The following HS3ST2 variants were observed in gnomAD, a reference collection of about 807,000 sequenced individuals.
HS3ST2 encodes heparan sulfate-glucosamine 3-sulfotransferase 2, also known as heparan sulfate glucosamine 3-O-sulfotransferase 2.
HS3ST2 carries 17 observed loss-of-function variants against 26.3 expected under a neutral mutation model. The ratio of observed to expected loss-of-function variants is 0.65; its 90% CI spans 0.44 to 0.97. The LOEUF (loss-of-function observed/expected upper bound fraction) is 0.97, where lower values mean the gene tolerates loss of function less well. Among genes scored for constraint, HS3ST2 ranks in the 50% least tolerant of loss-of-function variants. The pLI, the probability that HS3ST2 is intolerant of heterozygous loss-of-function variation, is 0.00. For missense variants in HS3ST2, 402 were observed against 501.2 expected, an observed-to-expected ratio of 0.80 and a Z score of 1.89; for synonymous variants, 237 against 219.2, an observed-to-expected ratio of 1.08 and a Z score of -0.72.
rs1220858311 is a variant in HS3ST2 at position 22,915,645 on chromosome 16, C to T, written c.*83C>T. 17 of 1,433,884 alleles carry T rather than the reference C, an allele frequency of 1.2e-5. No individual in the cohort carries two copies. Among genetic ancestry groups the T allele is most frequent in the Non-Finnish European group, 1.6e-5 (17 of 1,057,640 alleles). The allele number at this position is 1,433,884 out of a possible 1,614,324, so 88.8% of individuals were successfully genotyped here. A position where few individuals can be genotyped will look rare whatever the true frequency, so the allele number is the denominator to read the frequency against. On this transcript the variant is annotated 3_prime_UTR_variant, in exon 2 of 2. Coordinates refer to ENST00000261374, the MANE Select transcript of HS3ST2 (RefSeq NM_006043.2). ...GCTCCCAGACCCTCTGATCTCCCTC[C>T]AACAAACCCTGGCTCCAGCCCCCTT...
chr16:22,910,897 T>C (rs78969480), intron 1 of HS3ST2, among the ~76,000 whole-genome samples: 2,568 of 152,204 alleles, frequency 0.017, 65 homozygotes, highest in African/African-American at 0.055. Flanking sequence ...ACATAAGGAT[T>C]AGCTTTAAGA....
At chr16:22,855,920 A>G (rs183900562) in intron 1 of HS3ST2, among the ~76,000 whole-genome samples, 2 of 152,190 alleles carry the variant, frequency 1.3e-5, no homozygotes, top group East Asian at 1.9e-4. Context: ...ACTCATCACA[A>G]CTAGCGAGTG....
intron 1 of HS3ST2, among the ~76,000 whole-genome samples, chr16:22,819,983 C>T (rs1015954525): frequency 3.3e-5 from 5 of 152,218 alleles, no homozygotes; most frequent in African/African-American, 1.2e-4. Flanking sequence ...TTGATCAACA[C>T]ACAAAACAGA....
chr16:22,856,403 T>C (rs1414426111), intron 1 of HS3ST2, among the ~76,000 whole-genome samples: 2 of 152,232 alleles, frequency 1.3e-5, no homozygotes, highest in African/African-American at 4.8e-5. Context: ...TGCAATTCCT[T>C]TCCCTGAGCT....
chr16:22,912,162 T>A (rs773898386), intron 1 of HS3ST2, among the ~76,000 whole-genome samples: 19 of 152,184 alleles, frequency 1.2e-4, no homozygotes, highest in Non-Finnish European at 2.5e-4. Flanking sequence ...ACAAAGGTTC[T>A]GGGCGGACAT....
Position 22,915,789 on chromosome 16 carries a change from C to T in HS3ST2, c.*227C>T, listed in dbSNP as rs1275769105. 1.8e-5 allele frequency: 10 copies of T among 546,256 alleles called. No homozygotes were observed. Among genetic ancestry groups the T allele is most frequent in the Admixed American group, 7.1e-5 (2 of 28,262 alleles). The allele number at this position is 546,256 out of a possible 1,614,324, so 33.8% of individuals were successfully genotyped here. On this transcript the variant is annotated 3_prime_UTR_variant, in exon 2 of 2. Coordinates refer to ENST00000261374, the MANE Select transcript of HS3ST2 (RefSeq NM_006043.2). The stretch of plus-strand genomic sequence containing the variant: ...AAGCAAAGTTGATCTGCTCCTGGCA[C>T]GTCCAGTAAATTCCAGAATCATTCT...
At chr16:22,869,513 T>TAA (rs1901802546) in intron 1 of HS3ST2, among the ~76,000 whole-genome samples, 7 of 152,192 alleles carry the variant, frequency 4.6e-5, no homozygotes, top group Non-Finnish European at 1.0e-4. Context: ...TTAATGGACT[T>TAA]ACAGTTCCAC....
chr16:22,818,425 T>C (rs991597027), intron 1 of HS3ST2, among the ~76,000 whole-genome samples: 1 of 152,184 alleles, frequency 6.6e-6, no homozygotes, highest in African/African-American at 2.4e-5. Context: ...GAAAATTCTA[T>C]GATATATAAA....
At position 22,915,535 on chromosome 16, in the gene HS3ST2, C is replaced by A. The variant is rs139609781; in HGVS notation, c.1077C>A (p.Thr359=). 8.9e-5 allele frequency: 143 copies of A among 1,613,274 alleles called. No individual in the cohort carries two copies. The highest frequency in any genetic ancestry group is 1.2e-4 in the Non-Finnish European group (139 of 1,179,636). The change falls in exon 2 of 2, where the codon ACC becomes ACA. Residue 359 remains threonine (T), a synonymous_variant. Transcript: ENST00000261374. ...CGTATAATATCAAATTTTATGAAACCGTTGGGCAGGACTTCAGGTGGGAAT... is the reference window on the plus strand; with the variant it reads ...CGTATAATATCAAATTTTATGAAACAGTTGGGCAGGACTTCAGGTGGGAAT... ...YRPYNIKFYE[T]VGQDFRWE is the part of the protein sequence containing the mutation.
chr16:22,837,524 C>CAT (rs1453857648), intron 1 of HS3ST2, among the ~76,000 whole-genome samples: 3 of 142,998 alleles, frequency 2.1e-5, no homozygotes, highest in Admixed American at 1.4e-4. Context: ...TATATATACA[C>CAT]ATATATATAC....
At chr16:22,841,265 G>A (rs544368658) in intron 1 of HS3ST2, among the ~76,000 whole-genome samples, 1 of 152,068 alleles carries the variant, frequency 6.6e-6, no homozygotes, top group Non-Finnish European at 1.5e-5. Context: ...GTTTCACTAT[G>A]TTGCCCAGGC....
chr16:22,844,972 A>G (rs898360682), intron 1 of HS3ST2, among the ~76,000 whole-genome samples: 33 of 151,290 alleles, frequency 2.2e-4, no homozygotes, highest in African/African-American at 7.6e-4. Flanking sequence ...CTCTTGCCTC[A>G]GCCTCCCAAG....
chr16:22,860,640 C>A (rs1023556573), intron 1 of HS3ST2, among the ~76,000 whole-genome samples: 1 of 152,036 alleles, frequency 6.6e-6, no homozygotes, highest in African/African-American at 2.4e-5. Flanking sequence ...ACACTTACAC[C>A]ATTTTAGGCA....
chr16:22,901,960 A>T (rs190487099), intron 1 of HS3ST2, among the ~76,000 whole-genome samples: 126 of 152,288 alleles, frequency 8.3e-4, no homozygotes, highest in African/African-American at 2.9e-3. Flanking sequence ...CGAATGCAAA[A>T]AGCTAAAGGT....
At chr16:22,886,438 G>A (rs1567496968) in intron 1 of HS3ST2, among the ~76,000 whole-genome samples, 2 of 152,196 alleles carry the variant, frequency 1.3e-5, no homozygotes, top group Non-Finnish European at 2.9e-5. Flanking sequence ...CTTGTGTGAA[G>A]TGCAGGGATG....
intron 1 of HS3ST2, among the ~76,000 whole-genome samples, chr16:22,894,804 G>A (rs1274593180): frequency 4.6e-5 from 7 of 151,462 alleles, no homozygotes; most frequent in Non-Finnish European, 1.0e-4. Flanking sequence ...TCCAGCCTGG[G>A]AGACAGAGGG....
chr16:22,823,056 A>C (rs1416425435), intron 1 of HS3ST2, among the ~76,000 whole-genome samples: 1 of 152,192 alleles, frequency 6.6e-6, no homozygotes. Flanking sequence ...AATCTAACAC[A>C]TACTGTGCAA....
chr16:22,905,655 A>G lies in HS3ST2; in HGVS notation c.486-9289A>G, dbSNP rs74535208. Among the ~76,000 whole-genome samples the G allele has an allele frequency of 1.3e-3, 198 of 152,312 alleles. 2 individuals carry two copies. Among genetic ancestry groups the G allele is most frequent in the African/African-American group, 4.7e-3 (195 of 41,558 alleles). Reference sequence around the variant, plus strand: ...TAAGTACCAGCCTTTGTCCAGGTGTAGAGAATACAGCAGTGAATAATATAG... The same window carrying G: ...TAAGTACCAGCCTTTGTCCAGGTGTGGAGAATACAGCAGTGAATAATATAG... On this transcript the variant is annotated intron_variant, in intron 1 of 1. Transcript: ENST00000261374.
rs1902488478 is a variant in HS3ST2, at chr16:22,915,831, G to A, written c.*269G>A. The stretch of plus-strand genomic sequence containing the variant: ...AATCATTCTCCTTTCTGCCCATAAA[G>A]GGCCTTGGAGAATTGCTTTAAGAAG... On this transcript the variant is annotated 3_prime_UTR_variant, in exon 2 of 2. Coordinates refer to ENST00000261374, the MANE Select transcript of HS3ST2 (RefSeq NM_006043.2). 2 of 473,712 alleles carry A rather than the reference G, an allele frequency of 4.2e-6. No individual in the cohort carries two copies. The highest frequency in any genetic ancestry group is 3.9e-5 in the African/African-American group (2 of 51,388). The allele number at this position is 473,712 out of a possible 1,614,324, so 29.3% of individuals were successfully genotyped here.
Sources: gnomAD v4.1 joint callset for allele counts (sites outside exome capture counted in the v4.1 genomes callset) on GRCh38, gnomAD v4.1.1 for gene constraint, MANE v1.5 for transcripts, NCBI Gene and HGNC (gene_info 2026-07-23, HGNC 2026-07-21) for gene names.